The following ATP2B2 variants were observed in gnomAD, a reference collection of about 807,000 sequenced individuals.
The protein encoded by ATP2B2 is ATPase plasma membrane Ca2+ transporting 2.
A neutral mutation model predicts 120.0 loss-of-function variants in ATP2B2; 15 were observed. The observed-to-expected ratio is 0.12, with a 90% CI of 0.08 to 0.19. The LOEUF (loss-of-function observed/expected upper bound fraction) is 0.19, where lower values mean the gene tolerates loss of function less well. Among genes scored for constraint, ATP2B2 ranks in the 10% least tolerant of loss-of-function variants. The probability of loss-of-function intolerance (pLI) is 1.00; values close to 1 mark genes in which losing one functional copy is unlikely to be tolerated. For synonymous variants in ATP2B2, 694 were observed against 700.3 expected (o/e 0.99, Z 0.14); for missense variants, 1,045 against 1,719.8 (o/e 0.61, Z 6.94).
chr3:10,485,733 T>C (rs936675492), intron 1 of ATP2B2, among the ~76,000 whole-genome samples: 2 of 152,122 alleles, frequency 1.3e-5, no homozygotes, highest in African/African-American at 4.8e-5. Context: ...GTCTGGATGT[T>C]TTGTGCGGTG....
At chr3:10,552,389 G>T (rs983378956) in intron 2 of ATP2B2, among the ~76,000 whole-genome samples, 6 of 152,272 alleles carry the variant, frequency 3.9e-5, no homozygotes, top group African/African-American at 1.2e-4. Context: ...GAAGGTGGCA[G>T]CGTCCTGCCT....
chr3:10,693,929 G>A (rs71316417), intron 1 of ATP2B2, among the ~76,000 whole-genome samples: 6,704 of 152,274 alleles, frequency 0.044, 180 homozygotes, highest in South Asian at 0.13. Flanking sequence ...CTCTGTTGCA[G>A]GCACCATGCA....
chr3:10,603,941 TCC>T (rs1197912649), intron 2 of ATP2B2, among the ~76,000 whole-genome samples: 1 of 152,142 alleles, frequency 6.6e-6, no homozygotes, highest in Admixed American at 6.5e-5. Flanking sequence ...TCTTCAGCCC[TCC>T]CTCCCCTGAG....
rs201577163 is a variant in ATP2B2, at chr3:10,612,237, C to G, written c.-415+7680G>C. Among the ~76,000 whole-genome samples, 5 of 152,312 alleles carry G rather than the reference C, an allele frequency of 3.3e-5. No individual in the cohort carries two copies. In the East Asian group the frequency reaches 9.6e-4, roughly 29 times the overall value. On this transcript the variant is annotated intron_variant, in intron 2 of 21. Coordinates refer to the ATP2B2 transcript ENST00000646379. ...CCCCTCTGGGCTCTTCACTCCCTATCTCTGCTTCCTCACTAACCGTTCCCA... is the reference window on the plus strand; with the variant it reads ...CCCCTCTGGGCTCTTCACTCCCTATGTCTGCTTCCTCACTAACCGTTCCCA...
Position 10,342,107 on chromosome 3 carries a change from T to G in ATP2B2, c.2917+645A>C, listed in dbSNP as rs1346141778. ...CTTTGTTGGGATTGCCTCCGAAGCA[T>G]CTGTGGAAACCAGGCCAGTCTTGGC... On this transcript the variant is annotated intron_variant, in intron 19 of 22. Transcript: ENST00000360273. This position sits in a 1 kb window ranked among gnomAD's most constrained non-coding sequence, Gnocchi z 4.4. Among the ~76,000 whole-genome samples the G allele has an allele frequency of 6.6e-6, 1 of 152,206 alleles. No individual in the cohort carries two copies. The highest frequency in any genetic ancestry group is 1.5e-5 in the Non-Finnish European group (1 of 68,042).
intron 2 of ATP2B2, among the ~76,000 whole-genome samples, chr3:10,618,994 T>C (rs571800329): frequency 2.0e-4 from 30 of 152,208 alleles, no homozygotes; most frequent in Admixed American, 1.8e-3. Flanking sequence ...GCAGGCTCTC[T>C]CTTGTCAAAC....
At chr3:10,654,502 G>T (rs2070558309) in intron 1 of ATP2B2, among the ~76,000 whole-genome samples, 1 of 152,160 alleles carries the variant, frequency 6.6e-6, no homozygotes, top group African/African-American at 2.4e-5. Context: ...GGAGACATAG[G>T]TATGGGTTGA....
chr3:10,619,256 C>T (rs2069480899), intron 2 of ATP2B2, among the ~76,000 whole-genome samples: 1 of 152,090 alleles, frequency 6.6e-6, no homozygotes, highest in Non-Finnish European at 1.5e-5. Flanking sequence ...GGCTAGCCCA[C>T]AGTGGCTCCA....
At chr3:10,607,248 G>A (rs1428633449) in intron 2 of ATP2B2, among the ~76,000 whole-genome samples, 1 of 152,120 alleles carries the variant, frequency 6.6e-6, no homozygotes, top group African/African-American at 2.4e-5. Context: ...CCAGGCAGTG[G>A]AAAGCCCAGA....
chr3:10,431,302 T>C lies in ATP2B2; in HGVS notation c.199+18043A>G, dbSNP rs2063306702. Among the ~76,000 whole-genome samples, 3 of 152,308 alleles carry C rather than the reference T, an allele frequency of 2.0e-5. No individual in the cohort carries two copies. In the South Asian group the frequency reaches 6.2e-4, roughly 32 times the overall value. On this transcript the variant is annotated intron_variant, in intron 2 of 22. Coordinates refer to ENST00000360273, the MANE Select transcript of ATP2B2 (RefSeq NM_001001331.4). ...AATGCTATCAAACAGCATCGCATGC[T>C]AGAGTAACCTTTCATGAAAAGAGAG...
chr3:10,654,387 T>C (rs374804832), intron 1 of ATP2B2, among the ~76,000 whole-genome samples: 2 of 152,228 alleles, frequency 1.3e-5, no homozygotes, highest in East Asian at 3.9e-4. Flanking sequence ...ATTTGCTCAA[T>C]TAGTGGCTGG....
chr3:10,628,876 G>C (rs1008723985), intron 1 of ATP2B2, among the ~76,000 whole-genome samples: 4 of 152,174 alleles, frequency 2.6e-5, no homozygotes, highest in African/African-American at 7.2e-5. Flanking sequence ...GGAACTTCTG[G>C]TCACAACATT....
At chr3:10,597,062 G>GGT in intron 2 of ATP2B2, among the ~76,000 whole-genome samples, 1 of 60,052 alleles carries the variant, frequency 1.7e-5, no homozygotes, top group Non-Finnish European at 3.6e-5. Context: ...CACACACAGG[G>GGT]CCACACACAC....
intron 3 of ATP2B2, among the ~76,000 whole-genome samples, chr3:10,407,468 C>T (rs1407882582): frequency 6.6e-6 from 1 of 152,156 alleles, no homozygotes; most frequent in Non-Finnish European, 1.5e-5. Flanking sequence ...ACAGGGCCGG[C>T]GTTGCTCCTT....
intron 2 of ATP2B2, among the ~76,000 whole-genome samples, chr3:10,423,516 G>A (rs749183934): frequency 6.6e-6 from 1 of 152,220 alleles, no homozygotes; most frequent in African/African-American, 2.4e-5. Context: ...TATTCCCTCT[G>A]TATCAACCTC....
At chr3:10,391,732 G>A (rs1382601054) in intron 5 of ATP2B2, among the ~76,000 whole-genome samples, 2 of 152,088 alleles carry the variant, frequency 1.3e-5, no homozygotes, top group Non-Finnish European at 2.9e-5. Context: ...TCTGTCCTCC[G>A]GTATCCCCAA....
intron 1 of ATP2B2, among the ~76,000 whole-genome samples, chr3:10,465,366 C>A (rs1476057971): frequency 1.3e-5 from 2 of 152,258 alleles, no homozygotes; most frequent in Non-Finnish European, 2.9e-5. Flanking sequence ...TGCCTTCTTT[C>A]TCTGAAGCCC....
chr3:10,494,656 A>G (rs913270580), intron 1 of ATP2B2, among the ~76,000 whole-genome samples: 1 of 152,160 alleles, frequency 6.6e-6, no homozygotes, highest in Non-Finnish European at 1.5e-5. Context: ...GCACCCAATC[A>G]TGTTCTATTG....
chr3:10,614,497 G>A (rs954058714), intron 2 of ATP2B2, among the ~76,000 whole-genome samples: 2 of 152,218 alleles, frequency 1.3e-5, no homozygotes, highest in African/African-American at 2.4e-5. Flanking sequence ...AATGCGCCAG[G>A]TCATTTCCTT....
Sources: gnomAD v4.1 joint callset for allele counts (sites outside exome capture counted in the v4.1 genomes callset) on GRCh38, gnomAD v4.1.1 for gene constraint, Gnocchi (gnomAD v3.1) non-coding constraint, MANE v1.5 for transcripts, NCBI Gene and HGNC (gene_info 2026-07-23, HGNC 2026-07-21) for gene names.